FRS2: variants seen among roughly 807,000 people sequenced by gnomAD.
FRS2 encodes FGFR signalling adaptor.
Under a neutral mutation model 43.9 loss-of-function variants are expected in FRS2, and 8 were observed. That is an observed-to-expected ratio of 0.18 (90% CI 0.11 to 0.33). FRS2 has a LOEUF of 0.33. Among genes scored for constraint, FRS2 ranks in the 10% least tolerant of loss-of-function variants. The pLI, the probability that FRS2 is intolerant of heterozygous loss-of-function variation, is 1.00. For missense variants in FRS2, 534 were observed against 627.6 expected (o/e 0.85, Z 1.59); for synonymous variants, 219 against 220.3 (o/e 0.99, Z 0.05).
intron 1 of FRS2, among the ~76,000 whole-genome samples, chr12:69,514,657 AC>A (rs758760873): frequency 9.2e-5 from 14 of 152,046 alleles, no homozygotes; most frequent in Admixed American, 6.6e-5. Context: ...ACATGGCGAA[AC>A]CCCATCTCTA....
At position 69,576,550 on chromosome 12, in the gene FRS2, C is replaced by T. The variant is rs767666121; in HGVS notation, c.*1595C>T. 3 of 152,154 alleles carry T rather than the reference C, an allele frequency of 2.0e-5. No individual in the cohort carries two copies. The highest frequency in any genetic ancestry group is 2.9e-5 in the Non-Finnish European group (2 of 68,022). The allele number at this position is 152,154 out of a possible 1,614,324, so 9.4% of individuals were successfully genotyped here. A position where few individuals can be genotyped will look rare whatever the true frequency, so the allele number is the denominator to read the frequency against. On this transcript the variant is annotated 3_prime_UTR_variant, in exon 9 of 9. Transcript: ENST00000549921. Reference sequence around the variant, plus strand: ...ATATGAGGAAGTTTGAGATTATGATCTGGATCTACCAGATATAACTAAGGT... The same window carrying T: ...ATATGAGGAAGTTTGAGATTATGATTTGGATCTACCAGATATAACTAAGGT...
At chr12:69,477,101 TCCCAATGGCAGAAATGTGGATGAATAGTA>T (rs2307627) in intron 1 of FRS2, among the ~76,000 whole-genome samples, 6,751 of 152,132 alleles carry the variant, frequency 0.044, 210 homozygotes, top group Non-Finnish European at 0.07. Context: ...CTTAAAGTAC[TCCCAATGGCAGAAATGTGGATGAATAGTA>T]CCCTCAGAAG....
Position 69,493,280 on chromosome 12 carries a change from A to AGG in FRS2, c.-261+22751_-261+22752insGG, listed in dbSNP as rs375437434. Among the ~76,000 whole-genome samples, 805 of 152,298 alleles carry AGG rather than the reference A, an allele frequency of 5.3e-3. 7 individuals are homozygous for AGG. The highest frequency in any genetic ancestry group is 0.019 in the African/African-American group (773 of 41,572). On this transcript the variant is annotated intron_variant, in intron 1 of 8. Coordinates refer to ENST00000549921, the MANE Select transcript of FRS2 (RefSeq NM_001278356.2). ...CAAAGTATACAGACATTTGGGCATC[A>AGG]GCCTTTTTGGTCTTATTCTGTCTCA...
intron 3 of FRS2, among the ~76,000 whole-genome samples, chr12:69,543,741 A>G (rs1055234550): frequency 2.0e-5 from 3 of 152,222 alleles, no homozygotes; most frequent in South Asian, 2.1e-4. Flanking sequence ...TTCCAGGTAC[A>G]AAGAACAGTA....
At chr12:69,542,688 G>T (rs1231639378) in intron 3 of FRS2, among the ~76,000 whole-genome samples, 6 of 152,156 alleles carry the variant, frequency 3.9e-5, no homozygotes, top group African/African-American at 1.4e-4. Context: ...GTAGACCAAA[G>T]ATGTTGGTGT....
Position 69,574,827 on chromosome 12 carries a change from C to T in FRS2, c.1399C>T (p.Arg467Cys), listed in dbSNP as rs762081662. The T allele has an allele frequency of 9.3e-6, 15 of 1,613,916 alleles. No individual in the cohort carries two copies. The highest frequency in any genetic ancestry group is 2.7e-5 in the African/African-American group (2 of 74,912). Residue 467 changes from arginine to cysteine, a missense_variant, in exon 9 of 9, where the codon CGC becomes TGC. Transcript: ENST00000549921. ...TTPLPQTPTR[R>C]TELYAVIDIE... Reference sequence around the variant, plus strand: ...TCCCCTTCCACAAACCCCTACCAGGCGCACAGAGCTGTATGCCGTGATAGA... The same window carrying T: ...TCCCCTTCCACAAACCCCTACCAGGTGCACAGAGCTGTATGCCGTGATAGA...
At position 69,574,448 on chromosome 12, in the gene FRS2, T is replaced by C. The variant is rs748489337; in HGVS notation, c.1020T>C (p.Ala340=). 6.2e-7 allele frequency: 1 copy of C among 1,614,030 alleles called. No homozygotes were observed. Among genetic ancestry groups the C allele is most frequent in the Non-Finnish European group, 8.5e-7 (1 of 1,179,916 alleles). Residue 340 remains alanine (A), a synonymous_variant, in exon 9 of 9, where the codon GCT becomes GCC. Transcript: ENST00000549921. ...ATACCCAGAATATCAACAACTCAGC[T>C]CAGAGAAGAACTGCATTATTAAACT... is the stretch of plus-strand genomic sequence containing the variant. The part of the protein sequence containing the change: ...TSDTQNINNS[A]QRRTALLNYE...
At chr12:69,514,461 T>C (rs1874779296) in intron 1 of FRS2, among the ~76,000 whole-genome samples, 3 of 152,216 alleles carry the variant, frequency 2.0e-5, no homozygotes, top group Admixed American at 6.5e-5. Flanking sequence ...TACTCTGGGA[T>C]GCACATGTGT....
intron 1 of FRS2, among the ~76,000 whole-genome samples, chr12:69,479,734 A>G (rs1871196051): frequency 6.6e-6 from 1 of 151,854 alleles, no homozygotes; most frequent in Admixed American, 6.6e-5. Context: ...TAGAACTGCT[A>G]CTTTGTTCTT....
intron 1 of FRS2, among the ~76,000 whole-genome samples, chr12:69,507,032 C>CA (rs751780395): frequency 4.7e-4 from 71 of 152,224 alleles, no homozygotes; most frequent in Non-Finnish European, 7.6e-4. Flanking sequence ...AGAGAGACCC[C>CA]ACCAGCCAAG....
Position 69,578,797 on chromosome 12 carries a change from C to A in FRS2, c.*3842C>A, listed in dbSNP as rs1319039789. 6.6e-6 allele frequency: 1 copy of A among 152,502 alleles called. No individual in the cohort carries two copies. The highest frequency in any genetic ancestry group is 1.5e-5 in the Non-Finnish European group (1 of 68,006). The allele number at this position is 152,502 out of a possible 1,614,324, so 9.4% of individuals were successfully genotyped here. On this transcript the variant is annotated 3_prime_UTR_variant, in exon 9 of 9. Transcript: ENST00000549921. ...ATATAGCAACTTTGTATAAAGGTAG[C>A]TTATTAGATTTTTAATTTTTTCTTT...
chr12:69,556,418 C>T (rs1879359249), intron 3 of FRS2, among the ~76,000 whole-genome samples: 1 of 151,862 alleles, frequency 6.6e-6, no homozygotes, highest in Admixed American at 6.6e-5. Flanking sequence ...CTGCAGCCTC[C>T]ACCTCCCAGG....
chr12:69,499,696 G>C (rs1429864967), intron 1 of FRS2, among the ~76,000 whole-genome samples: 1 of 151,968 alleles, frequency 6.6e-6, no homozygotes, highest in Non-Finnish European at 1.5e-5. Context: ...TTCAGTGAAT[G>C]GAGAGGGATG....
At chr12:69,518,025 A>G (rs1875231289) in intron 1 of FRS2, among the ~76,000 whole-genome samples, 1 of 152,096 alleles carries the variant, frequency 6.6e-6, no homozygotes. Flanking sequence ...ATAAGGAATG[A>G]GGCACAAGTT....
chr12:69,498,519 T>TGTGTGTGTGTGTGTG (rs1873117530), intron 1 of FRS2, among the ~76,000 whole-genome samples: 16 of 141,594 alleles, frequency 1.1e-4, no homozygotes, highest in South Asian at 4.8e-4. Flanking sequence ...TTATGAGGGT[T>TGTGTGTGTGTGTGTG]TGTGTGTGTG....
At chr12:69,513,116 T>C (rs471721) in intron 1 of FRS2, among the ~76,000 whole-genome samples, 89,539 of 131,274 alleles carry the variant, frequency 0.68, 28,110 homozygotes, top group African/African-American at 0.83. Flanking sequence ...TGACTTCTCC[T>C]CCCGCCCCCA....
At chr12:69,571,174 T>G in intron 6 of FRS2, 102 bp from the exon 7 acceptor site, 1 of 656,480 alleles carries the variant, frequency 1.5e-6, no homozygotes, top group Admixed American at 3.1e-5. Flanking sequence ...TCTGACTCGG[T>G]GCGTAGAATG....
At chr12:69,510,574 C>T (rs1874365027) in intron 1 of FRS2, among the ~76,000 whole-genome samples, 1 of 152,138 alleles carries the variant, frequency 6.6e-6, no homozygotes, top group South Asian at 2.1e-4. Flanking sequence ...TCACTAATGT[C>T]CACTGAAAGC....
intron 3 of FRS2, among the ~76,000 whole-genome samples, chr12:69,539,637 C>G (rs1425500989): frequency 1.3e-5 from 2 of 152,072 alleles, no homozygotes; most frequent in Non-Finnish European, 2.9e-5. Flanking sequence ...GTACCCTTCT[C>G]CTTTAAAAAG....
Sources: gnomAD v4.1 joint callset for allele counts (sites outside exome capture counted in the v4.1 genomes callset) on GRCh38, gnomAD v4.1.1 for gene constraint, MANE v1.5 for transcripts, NCBI Gene and HGNC (gene_info 2026-07-23, HGNC 2026-07-21) for gene names.